KIAA1549L: variants seen among roughly 807,000 people sequenced by gnomAD.
The protein encoded by KIAA1549L is UPF0606 protein KIAA1549L.
Under a neutral mutation model 160.7 loss-of-function variants are expected in KIAA1549L, and 88 were observed. The observed-to-expected ratio is 0.55, with a 90% CI of 0.46 to 0.65. The LOEUF (loss-of-function observed/expected upper bound fraction) is 0.65, where lower values mean the gene tolerates loss of function less well. Among genes scored for constraint, KIAA1549L ranks in the 30% least tolerant of loss-of-function variants. The probability of loss-of-function intolerance (pLI) is 0.00; values close to 1 mark genes in which losing one functional copy is unlikely to be tolerated. For missense variants in KIAA1549L, 2,258 were observed against 2,437.5 expected, an observed-to-expected ratio of 0.93 and a Z score of 1.55; for synonymous variants, 950 against 976.7, an observed-to-expected ratio of 0.97 and a Z score of 0.51.
chr11:33,523,934 T>A (rs905061159), intron 1 of KIAA1549L, among the ~76,000 whole-genome samples: 1 of 152,218 alleles, frequency 6.6e-6, no homozygotes, highest in African/African-American at 2.4e-5. Context: ...CATATTTTGA[T>A]CATTGTTTTA....
intron 17 of KIAA1549L, among the ~76,000 whole-genome samples, chr11:33,652,072 C>A (rs1851912773): frequency 6.6e-6 from 1 of 151,290 alleles, no homozygotes; most frequent in African/African-American, 2.4e-5. Context: ...TCTTTTATCT[C>A]CTTCCTGGCC....
intron 13 of KIAA1549L, among the ~76,000 whole-genome samples, chr11:33,601,264 G>A (rs554330154): frequency 4.6e-5 from 7 of 152,126 alleles, no homozygotes; most frequent in Non-Finnish European, 1.0e-4. Context: ...TATTCCGTAA[G>A]GTTTTAGGTT....
intron 1 of KIAA1549L, among the ~76,000 whole-genome samples, chr11:33,448,700 T>G (rs1005791916): frequency 6.6e-6 from 1 of 152,242 alleles, no homozygotes; most frequent in African/African-American, 2.4e-5. Flanking sequence ...CTGTGACCTC[T>G]GCTTGTCTGC....
intron 1 of KIAA1549L, among the ~76,000 whole-genome samples, chr11:33,480,268 C>T (rs1852382167): frequency 6.6e-6 from 1 of 152,210 alleles, no homozygotes; most frequent in Non-Finnish European, 1.5e-5. Context: ...AACCGCCAAT[C>T]TCCTTTCTAT....
chr11:33,479,167 G>A (rs1554981679), intron 1 of KIAA1549L, among the ~76,000 whole-genome samples: 1 of 152,160 alleles, frequency 6.6e-6, no homozygotes, highest in Non-Finnish European at 1.5e-5. Context: ...CTGAGATCAT[G>A]GAAGTGGAAG....
intron 1 of KIAA1549L, among the ~76,000 whole-genome samples, chr11:33,493,703 C>T (rs1331892295): frequency 2.0e-5 from 3 of 152,234 alleles, no homozygotes; most frequent in African/African-American, 7.2e-5. Context: ...GCACGTCATT[C>T]TCCTTTTGGG....
rs111892936 is a variant in KIAA1549L at position 33,493,232 on chromosome 11, A to C, written c.239-48570A>C. 2.4e-3 allele frequency among the ~76,000 whole-genome samples: 371 copies of C among 152,258 alleles called. 4 individuals carry two copies. In the South Asian group the frequency reaches 0.025, roughly 10 times the overall value. ...TAACACTGTTGGGAGGAGGGGCTCC[A>C]ACCCTCATGAATGGATTAATACCAA... On this transcript the variant is annotated intron_variant, in intron 1 of 20. Transcript: ENST00000658780.
At chr11:33,459,030 TA>T (rs1189096549) in intron 1 of KIAA1549L, among the ~76,000 whole-genome samples, 1 of 152,264 alleles carries the variant, frequency 6.6e-6, no homozygotes, top group Admixed American at 6.5e-5. Context: ...CTGCTTTTTA[TA>T]ATCCTAAATC....
At chr11:33,462,050 A>C (rs1023347364) in intron 1 of KIAA1549L, among the ~76,000 whole-genome samples, 1 of 152,328 alleles carries the variant, frequency 6.6e-6, no homozygotes, top group Admixed American at 6.5e-5. Flanking sequence ...AGTGTGAATC[A>C]TTTAGTGTCT....
At chr11:33,548,950 A>G (rs1854360816) in intron 4 of KIAA1549L, among the ~76,000 whole-genome samples, 1 of 152,202 alleles carries the variant, frequency 6.6e-6, no homozygotes, top group Non-Finnish European at 1.5e-5. Flanking sequence ...ATATATTTCT[A>G]AAAAAGAAGA....
intron 18 of KIAA1549L, 76 bp downstream of exon 18, chr11:33,656,185 G>A (rs1272847303): frequency 2.7e-6 from 3 of 1,125,066 alleles, no homozygotes; most frequent in Admixed American, 2.0e-5. Flanking sequence ...CCTGACAACA[G>A]CACCGGCAAA....
At chr11:33,512,925 G>C (rs1853259885) in intron 1 of KIAA1549L, among the ~76,000 whole-genome samples, 1 of 152,156 alleles carries the variant, frequency 6.6e-6, no homozygotes, top group African/African-American at 2.4e-5. Flanking sequence ...TACCCACTGA[G>C]ACCAAAGACA....
intron 1 of KIAA1549L, among the ~76,000 whole-genome samples, chr11:33,500,613 G>C (rs1377829951): frequency 6.6e-6 from 1 of 152,064 alleles, no homozygotes; most frequent in Non-Finnish European, 1.5e-5. Context: ...GGAAATTATA[G>C]TTAACAGTAG....
chr11:33,424,038 A>T (rs1441953469), intron 1 of KIAA1549L, among the ~76,000 whole-genome samples: 1 of 151,996 alleles, frequency 6.6e-6, no homozygotes, highest in Non-Finnish European at 1.5e-5. Flanking sequence ...TGGAAAAAAA[A>T]AAAAGAATTG....
intron 1 of KIAA1549L, among the ~76,000 whole-genome samples, chr11:33,487,776 T>A (rs561437405): frequency 6.6e-6 from 1 of 152,200 alleles, no homozygotes; most frequent in East Asian, 1.9e-4. Context: ...CCCCTATAAA[T>A]GGGTAGGGTC....
chr11:33,631,007 G>A (rs56291533), intron 16 of KIAA1549L, among the ~76,000 whole-genome samples: 7,454 of 152,264 alleles, frequency 0.049, 254 homozygotes, highest in African/African-American at 0.08. Flanking sequence ...CACGTGCAAC[G>A]TACTGTGGCA....
At chr11:33,529,676 C>T (rs1480070652) in intron 1 of KIAA1549L, among the ~76,000 whole-genome samples, 1 of 152,178 alleles carries the variant, frequency 6.6e-6, no homozygotes, top group Admixed American at 6.5e-5. Context: ...ACTTGAGTAC[C>T]TTCATGGTGA....
chr11:33,530,618 C>G (rs1418649902), intron 1 of KIAA1549L, among the ~76,000 whole-genome samples: 1 of 151,344 alleles, frequency 6.6e-6, no homozygotes, highest in Non-Finnish European at 1.5e-5. Context: ...AGAAGAACCC[C>G]CCTAAGTCCC....
intron 1 of KIAA1549L, among the ~76,000 whole-genome samples, chr11:33,394,526 G>A (rs1194444282): frequency 6.6e-6 from 1 of 152,032 alleles, no homozygotes. Flanking sequence ...CCTTGAAATA[G>A]TCAGAAGTTT....
Sources: allele counts gnomAD v4.1 joint callset (sites outside exome capture counted in the v4.1 genomes callset), GRCh38; gene constraint gnomAD v4.1.1; transcripts MANE v1.5; gene names NCBI Gene and HGNC (gene_info 2026-07-23, HGNC 2026-07-21).